COL25A1: variants seen among roughly 807,000 people sequenced by gnomAD.
COL25A1 encodes the protein collagen alpha-1(XXV) chain.
COL25A1 carries 103 observed loss-of-function variants against 128.4 expected under a neutral mutation model. The ratio of observed to expected loss-of-function variants is 0.80; its 90% confidence interval spans 0.68 to 0.94. The LOEUF (loss-of-function observed/expected upper bound fraction) is 0.94. Ranked by LOEUF, COL25A1 falls within the 40% of genes least tolerant of loss-of-function variation. The pLI is 0.00. For synonymous variants in COL25A1, 279 were observed against 277.2 expected, an observed-to-expected ratio of 1.01 and a Z score of -0.06; for missense variants, 745 against 840.0, an observed-to-expected ratio of 0.89 and a Z score of 1.40.
At chr4:109,112,359 A>T (rs1767106284) in intron 3 of COL25A1, among the ~76,000 whole-genome samples, 1 of 152,144 alleles carries the variant, frequency 6.6e-6, no homozygotes, top group Non-Finnish European at 1.5e-5. Flanking sequence ...ATAAAGGCAC[A>T]TGTGTCCTTC....
At chr4:109,235,798 A>T (rs1779436977) in intron 3 of COL25A1, among the ~76,000 whole-genome samples, 1 of 152,106 alleles carries the variant, frequency 6.6e-6, no homozygotes, top group Non-Finnish European at 1.5e-5. Flanking sequence ...GTCTTGTGTG[A>T]CACAGATTTT....
chr4:109,256,508 T>C (rs901838221), intron 3 of COL25A1, among the ~76,000 whole-genome samples: 1 of 152,126 alleles, frequency 6.6e-6, no homozygotes, highest in Non-Finnish European at 1.5e-5. Flanking sequence ...ATTTATTTTT[T>C]AAAAAATAAG....
intron 6 of COL25A1, among the ~76,000 whole-genome samples, chr4:109,007,005 C>T (rs1227677727): frequency 6.6e-6 from 1 of 152,162 alleles, no homozygotes; most frequent in Non-Finnish European, 1.5e-5. Flanking sequence ...ACCACCATGA[C>T]ACACGTTTAC....
At chr4:109,072,043 G>C (rs953232128) in intron 3 of COL25A1, among the ~76,000 whole-genome samples, 2 of 152,154 alleles carry the variant, frequency 1.3e-5, no homozygotes, top group African/African-American at 4.8e-5. Context: ...TGCAGATAGG[G>C]TTTTTGTTTT....
intron 5 of COL25A1, among the ~76,000 whole-genome samples, chr4:109,022,711 G>A (rs1757887160): frequency 6.6e-6 from 1 of 152,172 alleles, no homozygotes. Flanking sequence ...GGTAAGTGTG[G>A]ATGAGAAGTA....
At chr4:109,189,802 A>C (rs1775443987) in intron 3 of COL25A1, among the ~76,000 whole-genome samples, 1 of 152,044 alleles carries the variant, frequency 6.6e-6, no homozygotes, top group East Asian at 1.9e-4. Context: ...AATAACTTGT[A>C]ATTGTCTCTG....
At chr4:109,010,219 G>C in intron 6 of COL25A1, 139 bp downstream of exon 6, 1 of 694,554 alleles carries the variant, frequency 1.4e-6, no homozygotes, top group Non-Finnish European at 2.4e-6. Flanking sequence ...GTTTACTCCT[G>C]GGAAATATTT....
intron 9 of COL25A1, 129 bp from the exon 10 acceptor site, chr4:108,940,775 A>C: frequency 3.2e-6 from 2 of 617,506 alleles, no homozygotes; most frequent in Non-Finnish European, 5.4e-6. Flanking sequence ...ACAACCACAA[A>C]TATAAAGCCT....
intron 3 of COL25A1, among the ~76,000 whole-genome samples, chr4:109,060,015 T>C (rs1041241666): frequency 1.4e-4 from 22 of 152,210 alleles, no homozygotes; most frequent in Admixed American, 6.5e-5. Flanking sequence ...ACAAATTAGC[T>C]ACATGACTTT....
chr4:109,099,345 C>A (rs1479655786), intron 3 of COL25A1, among the ~76,000 whole-genome samples: 1 of 152,092 alleles, frequency 6.6e-6, no homozygotes, highest in Non-Finnish European at 1.5e-5. Context: ...AGATTTCCAA[C>A]TGAAATATTT....
intron 11 of COL25A1, among the ~76,000 whole-genome samples, chr4:108,928,381 C>T (rs553758435): frequency 6.6e-6 from 1 of 152,238 alleles, no homozygotes; most frequent in African/African-American, 2.4e-5. Flanking sequence ...AATAACAGAA[C>T]TTTCTTTAAT....
chr4:109,166,975 G>A (rs1773132446), intron 3 of COL25A1, among the ~76,000 whole-genome samples: 1 of 152,146 alleles, frequency 6.6e-6, no homozygotes, highest in South Asian at 2.1e-4. Context: ...AAAGATTCAT[G>A]TAAATAATGT....
intron 6 of COL25A1, among the ~76,000 whole-genome samples, chr4:109,000,988 A>G (rs1009426096): frequency 6.6e-6 from 1 of 152,078 alleles, no homozygotes; most frequent in African/African-American, 2.4e-5. Context: ...GAAAAGAAGT[A>G]AATGGTTTGA....
At chr4:108,895,628 C>A (rs1199688020) in intron 16 of COL25A1, among the ~76,000 whole-genome samples, 1 of 152,054 alleles carries the variant, frequency 6.6e-6, no homozygotes, top group African/African-American at 2.4e-5. Flanking sequence ...GACAAAATAC[C>A]CAGATTTAGT....
chr4:109,101,546 G>A (rs529031785), intron 3 of COL25A1, among the ~76,000 whole-genome samples: 20 of 152,202 alleles, frequency 1.3e-4, no homozygotes, highest in South Asian at 1.0e-3. Context: ...CAAAATGTAC[G>A]AAAGAAAAAA....
chr4:109,010,484 G>T, intron 5 of COL25A1, 109 bp from the exon 6 acceptor site: 3 of 748,752 alleles, frequency 4.0e-6, no homozygotes, highest in African/African-American at 1.8e-5. Context: ...TATTTCTGAA[G>T]ATAATATCCT....
Position 109,141,100 on chromosome 4 carries a change from T to G in COL25A1, c.368-90921A>C, listed in dbSNP as rs1455288455. 4.6e-5 allele frequency among the ~76,000 whole-genome samples: 7 copies of G among 152,056 alleles called. No individual in the cohort carries two copies. In the South Asian group the frequency reaches 1.5e-3, roughly 32 times the overall value. On this transcript the variant is annotated intron_variant, in intron 3 of 37. Transcript: ENST00000399132. ...ATAAATAGCTCTAATTATTTTGAGA[T>G]ATGTTCCATCAATACCTAGTTTATT... is the stretch of plus-strand genomic sequence containing the variant.
At chr4:108,872,443 A>G (rs1446991442) in intron 19 of COL25A1, among the ~76,000 whole-genome samples, 2 of 152,168 alleles carry the variant, frequency 1.3e-5, no homozygotes, top group African/African-American at 2.4e-5. Context: ...AGAAAGGTTT[A>G]TTATATGGTT....
chr4:109,276,656 T>C (rs1473879880), intron 3 of COL25A1, among the ~76,000 whole-genome samples: 1 of 151,644 alleles, frequency 6.6e-6, no homozygotes, highest in African/African-American at 2.4e-5. Flanking sequence ...AGTCATAGAG[T>C]AGTTTCAGGG....
Sources: gnomAD v4.1 joint callset for allele counts (sites outside exome capture counted in the v4.1 genomes callset) on GRCh38, gnomAD v4.1.1 for gene constraint, MANE v1.5 for transcripts, NCBI Gene and HGNC (gene_info 2026-07-23, HGNC 2026-07-21) for gene names.